RASGRF2: variants seen among roughly 807,000 people sequenced by gnomAD.
The protein encoded by RASGRF2 is Ras protein specific guanine nucleotide releasing factor 2.
RASGRF2 carries 76 observed loss-of-function variants against 151.0 expected under a neutral mutation model. That is an observed-to-expected ratio of 0.50 (90% CI 0.42 to 0.61). RASGRF2 has a LOEUF of 0.61. RASGRF2 is among the 20% of genes least tolerant of loss of function. RASGRF2 has a pLI of 0.00. For missense variants in RASGRF2, 1,148 were observed against 1,564.6 expected, an observed-to-expected ratio of 0.73 and a Z score of 4.49; for synonymous variants, 504 against 566.5, an observed-to-expected ratio of 0.89 and a Z score of 1.57.
chr5:81,087,068 C>A (rs973495762), intron 9 of RASGRF2, 115 bp downstream of exon 9: 7 of 946,034 alleles, frequency 7.4e-6, no homozygotes, highest in Non-Finnish European at 1.2e-5. Context: ...CCCGAAGGAC[C>A]CCCCCACGGC....
chr5:81,116,034 G>A (rs1455349629), intron 15 of RASGRF2, among the ~76,000 whole-genome samples: 1 of 141,038 alleles, frequency 7.1e-6, no homozygotes, highest in African/African-American at 2.6e-5. Context: ...AAGTAAAGGT[G>A]TGGTGGTAAT....
At chr5:81,111,722 A>G (rs1265028247) in intron 13 of RASGRF2, among the ~76,000 whole-genome samples, 1 of 152,196 alleles carries the variant, frequency 6.6e-6, no homozygotes, top group Non-Finnish European at 1.5e-5. Flanking sequence ...AGACATTAAT[A>G]CAATATAAAA....
chr5:81,056,983 A>G (rs923992458), intron 2 of RASGRF2, among the ~76,000 whole-genome samples: 29 of 152,182 alleles, frequency 1.9e-4, no homozygotes, highest in African/African-American at 2.6e-4. Context: ...TTTTCTTGGT[A>G]GATCTTCCTC....
chr5:81,110,331 G>A (rs1580324017), intron 13 of RASGRF2, among the ~76,000 whole-genome samples: 5 of 152,230 alleles, frequency 3.3e-5, no homozygotes, highest in Admixed American at 3.3e-4. Context: ...CTTCAGTAAT[G>A]TATTATATTT....
intron 1 of RASGRF2, among the ~76,000 whole-genome samples, chr5:81,012,726 G>A (rs1253336656): frequency 6.6e-6 from 1 of 152,086 alleles, no homozygotes; most frequent in Admixed American, 6.5e-5. Context: ...TGTTAGAACA[G>A]CACCCCTTTC....
At chr5:81,197,433 G>A (rs920463765) in intron 18 of RASGRF2, among the ~76,000 whole-genome samples, 2 of 133,958 alleles carry the variant, frequency 1.5e-5, no homozygotes, top group Non-Finnish European at 3.1e-5. Context: ...TCCGCAATCC[G>A]GCCTGGGCGA....
intron 17 of RASGRF2, among the ~76,000 whole-genome samples, chr5:81,134,106 G>GTGTGTGTT (rs1236850993): frequency 1.3e-5 from 2 of 151,324 alleles, no homozygotes; most frequent in Non-Finnish European, 2.9e-5. Flanking sequence ...GTGTGTGTGT[G>GTGTGTGTT]TGTGAGTGAA....
At chr5:80,988,346 C>T (rs192586335) in intron 1 of RASGRF2, among the ~76,000 whole-genome samples, 39 of 152,200 alleles carry the variant, frequency 2.6e-4, no homozygotes, top group Non-Finnish European at 3.4e-4. Context: ...CCACCACACC[C>T]GGCCTATCAT....
At chr5:81,187,126 C>T (rs192957960) in intron 18 of RASGRF2, among the ~76,000 whole-genome samples, 151 of 152,266 alleles carry the variant, frequency 9.9e-4, no homozygotes, top group Non-Finnish European at 1.7e-3. Flanking sequence ...CTGTTACCCC[C>T]GTTTGACCAG....
chr5:81,022,744 A>G (rs1465219857), intron 1 of RASGRF2, among the ~76,000 whole-genome samples: 2 of 152,102 alleles, frequency 1.3e-5, no homozygotes, highest in Non-Finnish European at 2.9e-5. Context: ...AGAGGGGGGC[A>G]CTAGCTTCGA....
intron 2 of RASGRF2, among the ~76,000 whole-genome samples, chr5:81,045,380 A>T (rs1750804197): frequency 6.6e-6 from 1 of 152,204 alleles, no homozygotes; most frequent in South Asian, 2.1e-4. Flanking sequence ...TGCTTTAAAG[A>T]TGATTAGATT....
chr5:81,120,033 C>T (rs1327746820), intron 15 of RASGRF2, among the ~76,000 whole-genome samples: 2 of 152,092 alleles, frequency 1.3e-5, no homozygotes, highest in East Asian at 3.9e-4. Flanking sequence ...CCAACCTTTA[C>T]TCCAGAGCTG....
At chr5:81,007,523 C>T (rs936787201) in intron 1 of RASGRF2, among the ~76,000 whole-genome samples, 2 of 152,052 alleles carry the variant, frequency 1.3e-5, no homozygotes, top group African/African-American at 4.8e-5. Flanking sequence ...TGTCAGCTGC[C>T]CCGGGATGTC....
chr5:81,101,795 C>T (rs1227564509), intron 12 of RASGRF2, among the ~76,000 whole-genome samples: 1 of 151,970 alleles, frequency 6.6e-6, no homozygotes, highest in Non-Finnish European at 1.5e-5. Flanking sequence ...ATATTTTGTT[C>T]TCCTGAAACT....
chr5:81,190,724 A>G (rs899032101), intron 18 of RASGRF2, among the ~76,000 whole-genome samples: 1 of 152,190 alleles, frequency 6.6e-6, no homozygotes, highest in African/African-American at 2.4e-5. Flanking sequence ...CCCTATTGTT[A>G]TCCTTTAAAC....
intron 2 of RASGRF2, among the ~76,000 whole-genome samples, chr5:81,048,688 C>T (rs952461985): frequency 6.6e-6 from 1 of 152,208 alleles, no homozygotes; most frequent in African/African-American, 2.4e-5. Flanking sequence ...CCTCATGATT[C>T]TCTTTGCCTG....
At chr5:80,988,125 A>G (rs1748536340) in intron 1 of RASGRF2, among the ~76,000 whole-genome samples, 1 of 150,942 alleles carries the variant, frequency 6.6e-6, no homozygotes, top group Non-Finnish European at 1.5e-5. Flanking sequence ...ATCTTGGCTC[A>G]TTGCAACCTC....
chr5:81,076,052 G>T (rs1351382756), intron 5 of RASGRF2, among the ~76,000 whole-genome samples: 1 of 152,180 alleles, frequency 6.6e-6, no homozygotes, highest in Non-Finnish European at 1.5e-5. Flanking sequence ...AACCAACAAC[G>T]ATGCCAAAAA....
At chr5:81,097,298 A>G (rs575778506) in intron 12 of RASGRF2, among the ~76,000 whole-genome samples, 2 of 152,268 alleles carry the variant, frequency 1.3e-5, no homozygotes, top group East Asian at 1.9e-4. Context: ...CCATCACACA[A>G]AATGACTATG....
Sources: allele counts gnomAD v4.1 joint callset (sites outside exome capture counted in the v4.1 genomes callset), GRCh38; gene constraint gnomAD v4.1.1; transcripts MANE v1.5; gene names NCBI Gene and HGNC (gene_info 2026-07-23, HGNC 2026-07-21).